CLEC1B: variants seen among roughly 807,000 people sequenced by gnomAD.
The protein encoded by CLEC1B is C-type lectin-like receptor 2.
Under a neutral mutation model 26.7 loss-of-function variants are expected in CLEC1B, and 26 were observed. The observed-to-expected ratio is 0.97, with a 90% CI of 0.71 to 1.35. The LOEUF (loss-of-function observed/expected upper bound fraction) is 1.35, where lower values mean the gene tolerates loss of function less well. Among genes scored for constraint, CLEC1B ranks in the 40% most tolerant of loss-of-function variants. The pLI is 0.00. For synonymous variants in CLEC1B, 112 were observed against 96.0 expected (o/e 1.17, Z -0.97); for missense variants, 293 against 282.6 (o/e 1.04, Z -0.26).
chr12:9,998,360 A>G lies in CLEC1B; in HGVS notation c.85T>C (p.Trp29Arg), dbSNP rs1352551681. 6.2e-7 allele frequency: 1 copy of G among 1,613,696 alleles called. No individual in the cohort carries two copies. Among genetic ancestry groups the G allele is most frequent in the East Asian group, 2.2e-5 (1 of 44,884 alleles). Residue 29 changes from tryptophan (W) to arginine (R), a missense_variant, in exon 2 of 6, where the codon TGG becomes CGG. Transcript: ENST00000298527. ...LISVGSASSS[W>R]WRVMALILLI... Reference sequence around the variant, plus strand: ...AGAATCAAAGCCATCACACGCCACCAGGAGGAGGATGCAGAGCCAACTGTA... The same window carrying G: ...AGAATCAAAGCCATCACACGCCACCGGGAGGAGGATGCAGAGCCAACTGTA...
At chr12:9,996,292 A>G (rs1016942693) in intron 4 of CLEC1B, among the ~76,000 whole-genome samples, 5 of 152,176 alleles carry the variant, frequency 3.3e-5, no homozygotes, top group Non-Finnish European at 5.9e-5. Flanking sequence ...ATCCAACTAT[A>G]CAATTTCTTT....
chr12:9,995,330 G>A (rs1360433217), intron 4 of CLEC1B, 84 bp from the exon 5 acceptor site: 5 of 1,152,388 alleles, frequency 4.3e-6, no homozygotes, highest in Non-Finnish European at 6.5e-6. Flanking sequence ...ATAAGACGTT[G>A]GACAAAAAAT....
upstream of CLEC1B, among the ~76,000 whole-genome samples, chr12:10,000,323 A>C (rs1326972648): frequency 6.6e-6 from 1 of 152,202 alleles, no homozygotes; most frequent in African/African-American, 2.4e-5. Context: ...TTCACTCTGA[A>C]TTTCTTGTCA....
At chr12:9,997,415 G>A in intron 2 of CLEC1B, 136 bp from the exon 3 acceptor site, 1 of 746,416 alleles carries the variant, frequency 1.3e-6, no homozygotes, top group Non-Finnish European at 2.1e-6. Context: ...TTAAATGAAT[G>A]TTGAAAAGTG....
chr12:9,997,078 A>G, intron 3 of CLEC1B, 78 bp from the exon 4 acceptor site: 1 of 1,609,282 alleles, frequency 6.2e-7, no homozygotes, highest in Non-Finnish European at 8.5e-7. Flanking sequence ...TGTTTTCTGC[A>G]GATCTCAAAC....
upstream of CLEC1B, among the ~76,000 whole-genome samples, chr12:10,001,216 T>C (rs117114115): frequency 0.048 from 7,330 of 152,310 alleles, 254 homozygotes; most frequent in Non-Finnish European, 0.065. Flanking sequence ...CTCTAGGACT[T>C]GAGCAGCTGA....
rs752437230 is a variant in CLEC1B, at chr12:9,996,812, G to A, written c.438+34C>T. 3 of 1,611,446 alleles carry A rather than the reference G, an allele frequency of 1.9e-6. No homozygotes were observed. In the South Asian group the frequency reaches 3.3e-5, roughly 18 times the overall value. On this transcript the variant is annotated intron_variant, in intron 4 of 5. Coordinates refer to ENST00000298527, the MANE Select transcript of CLEC1B (RefSeq NM_016509.4). ...GTTACATTTGAGGTTTCTCTTCCTT[G>A]CCTCCAAAATATTTGACATAAGAAT...
chr12:9,996,527 AGC>A, intron 4 of CLEC1B, among the ~76,000 whole-genome samples: 1 of 152,236 alleles, frequency 6.6e-6, no homozygotes, highest in Non-Finnish European at 1.5e-5. Flanking sequence ...GTAAGTGGAC[AGC>A]ACAGCAAGTT....
intron 1 of CLEC1B, 125 bp downstream of exon 1, chr12:9,998,912 G>C (rs1865118666): frequency 8.4e-6 from 5 of 592,776 alleles, no homozygotes; most frequent in South Asian, 5.2e-5. Flanking sequence ...AAATGCTTTA[G>C]AGCATTAACA....
upstream of CLEC1B, among the ~76,000 whole-genome samples, chr12:9,999,997 G>A (rs1328864786): frequency 1.3e-5 from 2 of 152,200 alleles, no homozygotes; most frequent in African/African-American, 4.8e-5. Flanking sequence ...TGCACTGAAA[G>A]TAGTTGTAAG....
chr12:10,000,996 T>G (rs1436160201), upstream of CLEC1B, among the ~76,000 whole-genome samples: 1 of 152,198 alleles, frequency 6.6e-6, no homozygotes, highest in African/African-American at 2.4e-5. Context: ...CAAATGACAC[T>G]TTTCCAATAA....
chr12:9,996,945 G>T lies in CLEC1B; in HGVS notation c.339C>A (p.Cys113Ter). 1 of 1,614,090 alleles carries T rather than the reference G, an allele frequency of 6.2e-7. No individual in the cohort carries two copies. Among genetic ancestry groups the T allele is most frequent in the Non-Finnish European group, 8.5e-7 (1 of 1,179,996 alleles). Reference protein sequence around the residue: ...DTNWRYYGDSCYGFFRHNLTW... With the variant: ...DTNWRYYGDS ...TTAAGTTGTGCCTGAAGAACCCATA[G>T]CAGCTATCTCCATAATATCTCCAGT... Residue 113 changes from cysteine (C) to a stop codon, truncating the protein, a stop_gained, in exon 4 of 6, where the codon TGC (cysteine) becomes TGA (stop). Transcript: ENST00000298527. LOFTEE classifies it high-confidence loss of function.
chr12:9,998,366 A>T lies in CLEC1B; in HGVS notation c.79T>A (p.Ser27Thr). The change falls in exon 2 of 6, where the codon TCC (serine) becomes ACC (threonine). Residue 27 changes from serine (S) to threonine (T), a missense_variant. Physicochemically the swap from Ser to Thr is moderately conservative, Grantham distance 58. Coordinates refer to ENST00000298527, the MANE Select transcript of CLEC1B (RefSeq NM_016509.4). The part of the protein sequence containing the change: ...PALISVGSAS[S>T]SWWRVMALIL... The stretch of plus-strand genomic sequence containing the variant: ...AAAGCCATCACACGCCACCAGGAGG[A>T]GGATGCAGAGCCAACTGTAGGCATA... 1 of 1,613,820 alleles carries T rather than the reference A, an allele frequency of 6.2e-7. No homozygotes were observed. Among genetic ancestry groups the T allele is most frequent in the Non-Finnish European group, 8.5e-7 (1 of 1,179,742 alleles).
intron 3 of CLEC1B, 71 bp from the exon 4 acceptor site, chr12:9,997,071 T>C: frequency 6.2e-7 from 1 of 1,609,358 alleles, no homozygotes; most frequent in Non-Finnish European, 8.5e-7. Context: ...CATTCAATGT[T>C]TTCTGCAGAT....
At chr12:10,001,559 G>C (rs184890136), upstream of CLEC1B, among the ~76,000 whole-genome samples, 8 of 152,330 alleles carry the variant, frequency 5.3e-5, no homozygotes, top group East Asian at 1.3e-3. Flanking sequence ...AGCAAGCTGA[G>C]CGAAGACAGA....
chr12:9,994,275 G>A (rs1864975078), intron 5 of CLEC1B, among the ~76,000 whole-genome samples: 1 of 152,088 alleles, frequency 6.6e-6, no homozygotes, highest in Non-Finnish European at 1.5e-5. Context: ...AGAACACTAA[G>A]TTGCCTGCAA....
At chr12:9,994,340 T>C (rs1301378819) in intron 5 of CLEC1B, among the ~76,000 whole-genome samples, 1 of 152,158 alleles carries the variant, frequency 6.6e-6, no homozygotes, top group Admixed American at 6.6e-5. Flanking sequence ...CCAAGGTCTG[T>C]GAAGAGGCTT....
chr12:9,998,156 A>C, intron 2 of CLEC1B, 126 bp downstream of exon 2: 2 of 708,096 alleles, frequency 2.8e-6, no homozygotes, highest in Non-Finnish European at 2.5e-6. Context: ...CTTGGCAACT[A>C]TCTGTAGGAC....
In CLEC1B at chr12:9,995,166, C is replaced by G; in HGVS notation, c.519G>C (p.Glu173Asp). 4 of 1,613,000 alleles carry G rather than the reference C, an allele frequency of 2.5e-6. No homozygotes were observed. The highest frequency in any genetic ancestry group is 3.4e-6 in the Non-Finnish European group (4 of 1,179,134). Reference sequence around the variant, plus strand: ...TATTTTCTGAGATAACCGAGCCATCCTCCCACTTCCAGACCTCATTCGACT... The same window carrying G: ...TATTTTCTGAGATAACCGAGCCATCGTCCCACTTCCAGACCTCATTCGACT... ...RQKSNEVWKW[E>D]DGSVISENMF... is the part of the protein sequence containing the mutation. The change falls in exon 5 of 6, where the codon GAG (glutamate) becomes GAC (aspartate). Residue 173 changes from glutamate (E) to aspartate (D), a missense_variant. By Grantham distance (45) the Glu-to-Asp change is conservative. Transcript: ENST00000298527.
Sources: allele counts gnomAD v4.1 joint callset (sites outside exome capture counted in the v4.1 genomes callset), GRCh38; gene constraint gnomAD v4.1.1; transcripts MANE v1.5; gene names NCBI Gene and HGNC (gene_info 2026-07-23, HGNC 2026-07-21).